Variants in SH3BP5 observed in about 807,000 individuals in gnomAD.
SH3BP5 encodes SH3 domain binding protein 5.
A neutral mutation model predicts 43.3 loss-of-function variants in SH3BP5; 22 were observed. The observed-to-expected ratio is 0.51, with a 90% confidence interval of 0.36 to 0.73. SH3BP5 has a LOEUF of 0.73. SH3BP5 is among the 30% of genes least tolerant of loss of function. The pLI is 0.00. For missense variants in SH3BP5, 529 were observed against 586.9 expected (o/e 0.90, Z 1.02); for synonymous variants, 255 against 225.8 (o/e 1.13, Z -1.16).
rs1696174309 is a variant in SH3BP5, at chr3:15,255,837, T to C, written c.*249A>G. 8.9e-6 allele frequency: 4 copies of C among 446,952 alleles called. No individual in the cohort carries two copies. Among genetic ancestry groups the C allele is most frequent in the South Asian group, 3.4e-5 (1 of 29,194 alleles). 27.7% of individuals were successfully genotyped at this position (446,952 alleles called of 1,614,324 possible). ...AGTTATTGCTTCCACAATGCCGTTA[T>C]ACGGAATGTTCCACAAAGGCTGTGA... On this transcript the variant is annotated 3_prime_UTR_variant, in exon 9 of 9. Transcript: ENST00000383791.
At chr3:15,293,745 A>C (rs369278424) in intron 3 of SH3BP5, among the ~76,000 whole-genome samples, 50 of 152,302 alleles carry the variant, frequency 3.3e-4, no homozygotes, top group African/African-American at 1.0e-3. Context: ...AAAGTCCCCA[A>C]GCCTCAGTGA....
intron 1 of SH3BP5, among the ~76,000 whole-genome samples, chr3:15,340,069 A>T (rs1004929840): frequency 6.6e-5 from 10 of 152,170 alleles, no homozygotes; most frequent in Non-Finnish European, 1.5e-4. Flanking sequence ...TGGGTTAACC[A>T]AGAACAAATC....
At chr3:15,303,132 C>A (rs1322181458) in intron 3 of SH3BP5, among the ~76,000 whole-genome samples, 1 of 152,150 alleles carries the variant, frequency 6.6e-6, no homozygotes, top group South Asian at 2.1e-4. Flanking sequence ...CATCTTCTTA[C>A]AAGTGGACAC....
chr3:15,311,420 G>A lies in SH3BP5; in HGVS notation c.202-7189C>T, dbSNP rs142273753. On this transcript the variant is annotated intron_variant, in intron 2 of 8. Transcript: ENST00000383791. ...TCTACTAAAAACACAAAAATTAGTCGGGCATGGTAGGTGCCTGTAATCCCA... is the reference window on the plus strand; with the variant it reads ...TCTACTAAAAACACAAAAATTAGTCAGGCATGGTAGGTGCCTGTAATCCCA... Among the ~76,000 whole-genome samples, 84 of 152,100 alleles carry A rather than the reference G, an allele frequency of 5.5e-4. 1 individual carries two copies. Among genetic ancestry groups the A allele is most frequent in the African/African-American group, 1.9e-3 (77 of 41,504 alleles).
intron 1 of SH3BP5, 129 bp downstream of exon 1, chr3:15,332,142 G>A: frequency 7.1e-7 from 1 of 1,416,632 alleles, no homozygotes; most frequent in Non-Finnish European, 9.5e-7. Flanking sequence ...ACCGTCTCCT[G>A]CCACCCTATG....
At chr3:15,274,003 G>T (rs1022136044) in intron 3 of SH3BP5, among the ~76,000 whole-genome samples, 20 of 152,306 alleles carry the variant, frequency 1.3e-4, no homozygotes, top group African/African-American at 4.6e-4. Context: ...AGCACTTTGG[G>T]GAGGCCAAGG....
chr3:15,313,977 C>T (rs1698123994), intron 2 of SH3BP5, among the ~76,000 whole-genome samples: 1 of 151,934 alleles, frequency 6.6e-6, no homozygotes, highest in South Asian at 2.1e-4. Flanking sequence ...CACTGCATGC[C>T]TATAGTCCCA....
At chr3:15,340,609 G>A (rs2124847629) in intron 1 of SH3BP5, among the ~76,000 whole-genome samples, 1 of 152,172 alleles carries the variant, frequency 6.6e-6, no homozygotes, top group South Asian at 2.1e-4. Flanking sequence ...AAATTAGCCA[G>A]GCGTGGTGGC....
chr3:15,340,321 G>T (rs1272930842), intron 1 of SH3BP5, among the ~76,000 whole-genome samples: 2 of 152,086 alleles, frequency 1.3e-5, no homozygotes, highest in Non-Finnish European at 2.9e-5. Context: ...AAAAATACAA[G>T]AAATATTTAT....
intron 2 of SH3BP5, among the ~76,000 whole-genome samples, chr3:15,320,235 C>T (rs528906210): frequency 2.6e-5 from 4 of 152,102 alleles, no homozygotes; most frequent in Non-Finnish European, 4.4e-5. Context: ...TAATAAACAG[C>T]GGATATTCCT....
chr3:15,256,603 T>C (rs575766624), intron 8 of SH3BP5: 1 of 595,646 alleles, frequency 1.7e-6, no homozygotes, highest in African/African-American at 1.9e-5. Context: ...TACTATGTGC[T>C]TGCCAAGGAG....
At chr3:15,305,820 T>C (rs116263932) in intron 2 of SH3BP5, among the ~76,000 whole-genome samples, 251 of 151,798 alleles carry the variant, frequency 1.7e-3, no homozygotes, top group Non-Finnish European at 2.6e-3. Context: ...TTGATAGGAG[T>C]TAGGAAGGCA....
At chr3:15,332,742 T>G, upstream of SH3BP5, 1 of 832,306 alleles carries the variant, frequency 1.2e-6, no homozygotes. Flanking sequence ...GGTGGCAAAA[T>G]AGGACAGCCC....
At chr3:15,265,864 T>C (rs935954111) in intron 4 of SH3BP5, among the ~76,000 whole-genome samples, 5 of 151,994 alleles carry the variant, frequency 3.3e-5, no homozygotes, top group African/African-American at 7.2e-5. Flanking sequence ...CCTGCTCATA[T>C]CAGCCCACAG....
At chr3:15,310,169 A>G (rs1167093220) in intron 2 of SH3BP5, among the ~76,000 whole-genome samples, 1 of 152,200 alleles carries the variant, frequency 6.6e-6, no homozygotes, top group East Asian at 1.9e-4. Flanking sequence ...ATGACCCATC[A>G]TAACCAATGA....
At chr3:15,314,651 C>T (rs1026390830) in intron 2 of SH3BP5, among the ~76,000 whole-genome samples, 5 of 152,156 alleles carry the variant, frequency 3.3e-5, no homozygotes, top group African/African-American at 1.2e-4. Flanking sequence ...TGGCATAGGC[C>T]CAATTCCACA....
chr3:15,294,326 TGTGTGC>T (rs1225387755), intron 3 of SH3BP5, among the ~76,000 whole-genome samples: 16 of 124,868 alleles, frequency 1.3e-4, no homozygotes, highest in African/African-American at 5.9e-4. Context: ...TGTGTGTGTG[TGTGTGC>T]GCGCGCATGT....
upstream of SH3BP5, chr3:15,332,588 A>G (rs1229573524): frequency 8.3e-7 from 1 of 1,204,750 alleles, no homozygotes; most frequent in African/African-American, 1.6e-5. Context: ...GGAGCAGAGG[A>G]AATGGGCGCG....
At chr3:15,304,429 G>A in intron 2 of SH3BP5, 198 bp from the exon 3 acceptor site, 2 of 800,402 alleles carry the variant, frequency 2.5e-6, no homozygotes, top group Non-Finnish European at 2.1e-6. Context: ...CCTGTGCTCT[G>A]CACAGTGCAG....
Sources: allele counts gnomAD v4.1 joint callset (sites outside exome capture counted in the v4.1 genomes callset), GRCh38; gene constraint gnomAD v4.1.1; transcripts MANE v1.5; gene names NCBI Gene and HGNC (gene_info 2026-07-23, HGNC 2026-07-21).